Variants in MRPL22 observed in about 807,000 individuals in gnomAD.
The protein encoded by MRPL22 is large ribosomal subunit protein uL22m.
Under a neutral mutation model 32.4 loss-of-function variants are expected in MRPL22, and 27 were observed. The observed-to-expected ratio is 0.83, with a 90% CI of 0.61 to 1.15. MRPL22 has a LOEUF of 1.15. Ranked by LOEUF, MRPL22 falls within the 50% of genes most tolerant of loss-of-function variation. MRPL22 has a pLI of 0.00. For synonymous variants in MRPL22, 86 were observed against 87.3 expected (o/e 0.99, Z 0.08); for missense variants, 239 against 260.2 (o/e 0.92, Z 0.56).
chr5:154,950,753 A>C (rs768444857), intron 2 of MRPL22, 68 bp from the exon 3 acceptor site: 5 of 994,994 alleles, frequency 5.0e-6, no homozygotes, highest in Non-Finnish European at 4.7e-6. Context: ...GTGGTTCAAA[A>C]GATATGTAAA....
rs111247058 is a variant in MRPL22 at position 154,956,012 on chromosome 5, A to G, written c.196-359A>G. On this transcript the variant is annotated intron_variant, in intron 3 of 6. Transcript: ENST00000523037. ...TTTGCCATTTTTCTCCTCATTAATAATGAACGTTTTCTTGTACTTTTTCTT... is the reference window on the plus strand; with the variant it reads ...TTTGCCATTTTTCTCCTCATTAATAGTGAACGTTTTCTTGTACTTTTTCTT... 2.0e-3 allele frequency: 407 copies of G among 203,502 alleles called. 2 individuals carry two copies. Among genetic ancestry groups the G allele is most frequent in the East Asian group, 0.011 (63 of 5,966 alleles). 12.6% of individuals were successfully genotyped at this position (203,502 alleles called of 1,614,324 possible).
chr5:154,961,961 T>C (rs1764711246), intron 6 of MRPL22, among the ~76,000 whole-genome samples: 1 of 152,232 alleles, frequency 6.6e-6, no homozygotes, highest in African/African-American at 2.4e-5. Flanking sequence ...GTGTTAGGAT[T>C]ACGGGCATAA....
In MRPL22 at chr5:154,941,085, C is replaced by T. The variant is rs186984050; in HGVS notation, c.-26C>T. 8.9e-5 allele frequency: 143 copies of T among 1,613,214 alleles called. No homozygotes were observed. The African/African-American group carries it at 1.8e-3, about 20-fold the overall frequency. ...CTGTCCAGAAGGCGCTTGAACTCGG[C>T]GGCTTCCGTAGCGGGAGGGCGAAAG... On this transcript the variant is annotated 5_prime_UTR_variant, in exon 1 of 7. Coordinates refer to ENST00000523037, the MANE Select transcript of MRPL22 (RefSeq NM_014180.4).
chr5:154,943,478 G>T (rs2113529960), intron 2 of MRPL22, among the ~76,000 whole-genome samples: 1 of 152,152 alleles, frequency 6.6e-6, no homozygotes, highest in South Asian at 2.1e-4. Context: ...GGGAGGGCCT[G>T]TGGTGGTCAG....
chr5:154,966,583 A>G lies in MRPL22; in HGVS notation c.410-103A>G. On this transcript the variant is annotated intron_variant, in intron 6 of 6. Transcript: ENST00000523037. ...CCTGCTCTAGCCAACCAGTGAGCCC[A>G]TGTAATCTCAGAATCCAGTCAAGGA... 3 of 1,221,990 alleles carry G rather than the reference A, an allele frequency of 2.5e-6. No individual in the cohort carries two copies. The South Asian group carries it at 4.1e-5, about 17-fold the overall frequency. The allele number at this position is 1,221,990 out of a possible 1,614,324, so 75.7% of individuals were successfully genotyped here. A position where few individuals can be genotyped will look rare whatever the true frequency, so the allele number is the denominator to read the frequency against.
At chr5:154,948,718 C>T (rs1028617989) in intron 2 of MRPL22, among the ~76,000 whole-genome samples, 2 of 152,314 alleles carry the variant, frequency 1.3e-5, no homozygotes, top group South Asian at 4.1e-4. Context: ...TCATTACTAA[C>T]TTTATACAAG....
Position 154,967,003 on chromosome 5 carries a change from A to G in MRPL22, c.*106A>G. 9.2e-7 allele frequency: 1 copy of G among 1,089,488 alleles called. No homozygotes were observed. Among genetic ancestry groups the G allele is most frequent in the Non-Finnish European group, 1.3e-6 (1 of 774,952 alleles). The allele number at this position is 1,089,488 out of a possible 1,614,324, so 67.5% of individuals were successfully genotyped here. A position where few individuals can be genotyped will look rare whatever the true frequency, so the allele number is the denominator to read the frequency against. On this transcript the variant is annotated 3_prime_UTR_variant, in exon 7 of 7. Transcript: ENST00000523037. This position sits in a 1 kb window ranked among gnomAD's most constrained non-coding sequence, Gnocchi z 4.7. ...TTATGATTTCTCATTGAATTATTGA[A>G]ACAGTGTATAACTGCTAGTTGTAAA...
At chr5:154,956,991 C>T (rs1454204267) in intron 4 of MRPL22, 144 bp from the exon 5 acceptor site, 1 of 688,918 alleles carries the variant, frequency 1.5e-6, no homozygotes, top group Non-Finnish European at 2.4e-6. Context: ...AGTGTCTCCT[C>T]TCAAACTTGT....
intron 3 of MRPL22, among the ~76,000 whole-genome samples, chr5:154,953,506 A>T (rs997293400): frequency 1.3e-5 from 2 of 151,822 alleles, no homozygotes; most frequent in African/African-American, 4.8e-5. Context: ...ATAAATGAAA[A>T]GTGTAATGAG....
At position 154,961,043 on chromosome 5, in the gene MRPL22, TA is replaced by T. The variant is rs113741764; in HGVS notation, c.409+1004del. On this transcript the variant is annotated intron_variant, in intron 6 of 6. Transcript: ENST00000523037. ...TTTTATAATTTTTCAACAATTAGAG[TA>T]AAAAAAAAATTATCTAAATTCTACT... 1.4e-3 allele frequency among the ~76,000 whole-genome samples: 204 copies of T among 150,444 alleles called. 3 individuals are homozygous for T. The highest frequency in any genetic ancestry group is 4.6e-3 in the African/African-American group (190 of 41,096).
chr5:154,962,103 C>T (rs186998), intron 6 of MRPL22, among the ~76,000 whole-genome samples: 5,883 of 152,234 alleles, frequency 0.039, 176 homozygotes, highest in African/African-American at 0.084. Flanking sequence ...TTTGGATTTA[C>T]ATTATGATTT....
At chr5:154,954,279 A>AG (rs1325156724) in intron 3 of MRPL22, among the ~76,000 whole-genome samples, 2 of 152,034 alleles carry the variant, frequency 1.3e-5, no homozygotes, top group Non-Finnish European at 2.9e-5. Context: ...CATGAGCCAC[A>AG]GCGCCTGGCC....
intron 6 of MRPL22, among the ~76,000 whole-genome samples, chr5:154,963,964 G>A (rs1344362001): frequency 6.6e-6 from 1 of 152,242 alleles, no homozygotes; most frequent in South Asian, 2.1e-4. Flanking sequence ...CAGTAATAGT[G>A]TAGTACAATG....
chr5:154,956,655 C>A, intron 4 of MRPL22: 1 of 469,024 alleles, frequency 2.1e-6, no homozygotes. Flanking sequence ...TAGATAGATA[C>A]TAAAAGGCAT....
At chr5:154,963,956 G>T (rs1201451991) in intron 6 of MRPL22, among the ~76,000 whole-genome samples, 2 of 152,150 alleles carry the variant, frequency 1.3e-5, no homozygotes, top group African/African-American at 4.8e-5. Context: ...GGAATAAGCA[G>T]TAATAGTGTA....
chr5:154,958,898 C>G (rs1764666448), intron 5 of MRPL22, among the ~76,000 whole-genome samples: 1 of 152,044 alleles, frequency 6.6e-6, no homozygotes, highest in Admixed American at 6.6e-5. Flanking sequence ...TTCAAAATAT[C>G]TATGGAGAGT....
chr5:154,956,274 C>A, intron 3 of MRPL22, 97 bp from the exon 4 acceptor site: 1 of 786,064 alleles, frequency 1.3e-6, no homozygotes, highest in Non-Finnish European at 2.1e-6. Flanking sequence ...TTCTTTAGGC[C>A]TAGAAAGTAA....
In MRPL22 at chr5:154,944,678, T is replaced by TTAGA. The variant is rs1463588433; in HGVS notation, c.77+3417_77+3420dup. On this transcript the variant is annotated intron_variant, in intron 2 of 6. Coordinates refer to ENST00000523037, the MANE Select transcript of MRPL22 (RefSeq NM_014180.4). ...CAAAATAAGTAAAATATAGAGTATA[T>TTAGA]TAGATAGTGACATCTGCTTATGAGA... Among the ~76,000 whole-genome samples the TTAGA allele has an allele frequency of 2.0e-5, 3 of 152,172 alleles. No homozygotes were observed. In the Middle Eastern group the frequency reaches 0.01, roughly 518 times the overall value.
At chr5:154,944,495 A>T (rs1436209231) in intron 2 of MRPL22, among the ~76,000 whole-genome samples, 1 of 152,034 alleles carries the variant, frequency 6.6e-6, no homozygotes, top group Non-Finnish European at 1.5e-5. Flanking sequence ...CTCTTACCTT[A>T]CCTGTCTCTG....
Sources: allele counts gnomAD v4.1 joint callset (sites outside exome capture counted in the v4.1 genomes callset), GRCh38; gene constraint gnomAD v4.1.1; non-coding constraint Gnocchi (gnomAD v3.1); transcripts MANE v1.5; gene names NCBI Gene and HGNC (gene_info 2026-07-23, HGNC 2026-07-21).